The following MYOM1 variants were observed in gnomAD, a reference collection of about 807,000 sequenced individuals.
MYOM1 encodes the protein myomesin-1.
MYOM1 carries 164 observed loss-of-function variants against 205.3 expected under a neutral mutation model. The observed-to-expected ratio is 0.80, with a 90% CI of 0.70 to 0.91. MYOM1 has a LOEUF of 0.91. Among genes scored for constraint, MYOM1 ranks in the 40% least tolerant of loss-of-function variants. MYOM1 has a pLI of 0.00. For synonymous variants in MYOM1, 772 were observed against 789.4 expected, an observed-to-expected ratio of 0.98 and a Z score of 0.37; for missense variants, 2,011 against 2,127.3, an observed-to-expected ratio of 0.95 and a Z score of 1.08.
At chr18:3,083,427 C>CTT (rs35959808) in intron 33 of MYOM1, among the ~76,000 whole-genome samples, 11,147 of 98,440 alleles carry the variant, frequency 0.11, 1,417 homozygotes, top group Non-Finnish European at 0.13. Flanking sequence ...TTTTCTTTTT[C>CTT]TTTTTTTTTT....
intron 11 of MYOM1, among the ~76,000 whole-genome samples, chr18:3,153,591 A>T (rs975736853): frequency 6.6e-6 from 1 of 152,234 alleles, no homozygotes; most frequent in Non-Finnish European, 1.5e-5. Flanking sequence ...CACAAAAAAG[A>T]ATATATCTAA....
intron 10 of MYOM1, among the ~76,000 whole-genome samples, chr18:3,163,009 T>TGACTG (rs371444062): frequency 0.19 from 28,205 of 145,388 alleles, 2,910 homozygotes; most frequent in East Asian, 0.35. Flanking sequence ...CCAGCCTGGG[T>TGACTG]GACTGAGACT....
intron 25 of MYOM1, among the ~76,000 whole-genome samples, chr18:3,096,038 T>C (rs9945324): frequency 0.9 from 137,607 of 152,236 alleles, 62,301 homozygotes; most frequent in Middle Eastern, 0.96. Context: ...CTCCTGGAAG[T>C]CTCCAGCTCC....
intron 9 of MYOM1, among the ~76,000 whole-genome samples, chr18:3,164,960 C>A (rs923162449): frequency 6.6e-6 from 1 of 151,938 alleles, no homozygotes; most frequent in Non-Finnish European, 1.5e-5. Context: ...TCAATATAAT[C>A]AAAAGCAACA....
chr18:3,114,718 T>G (rs2079580629), intron 21 of MYOM1, among the ~76,000 whole-genome samples: 1 of 152,028 alleles, frequency 6.6e-6, no homozygotes, highest in African/African-American at 2.4e-5. Context: ...GTTTGAATTT[T>G]TCATTTAAAT....
At chr18:3,175,799 T>A (rs1226173583) in intron 6 of MYOM1, among the ~76,000 whole-genome samples, 2 of 152,240 alleles carry the variant, frequency 1.3e-5, no homozygotes, top group Non-Finnish European at 2.9e-5. Context: ...GCAAATTGGT[T>A]TTTTTCTCAT....
intron 23 of MYOM1, among the ~76,000 whole-genome samples, chr18:3,101,793 G>C (rs2079379699): frequency 1.3e-5 from 2 of 151,966 alleles, no homozygotes; most frequent in African/African-American, 2.4e-5. Flanking sequence ...GCATAAATGA[G>C]ATAATAAATA....
At position 3,128,348 on chromosome 18, in the gene MYOM1, GGAT is replaced by G. The variant is rs2079824938; in HGVS notation, c.2794+881_2794+883del. ...TGGGGTGGGGTTAGAAAAAAGAACTGGATGAGAGGCATTTAAAAATTTATCAGC... is the reference window on the plus strand; with the variant it reads ...TGGGGTGGGGTTAGAAAAAAGAACTGGAGAGGCATTTAAAAATTTATCAGC... On this transcript the variant is annotated intron_variant, in intron 18 of 37. Transcript: ENST00000356443. 2.6e-5 allele frequency among the ~76,000 whole-genome samples: 4 copies of G among 152,260 alleles called. No homozygotes were observed. The South Asian group carries it at 8.3e-4, about 32-fold the overall frequency.
intron 1 of MYOM1, among the ~76,000 whole-genome samples, chr18:3,218,297 A>T (rs10084064): frequency 0.093 from 14,098 of 152,254 alleles, 696 homozygotes; most frequent in African/African-American, 0.12. Flanking sequence ...TGTCATTTTT[A>T]AAAAAATTCA....
chr18:3,239,352 C>A, the MYOM1 span, among the ~76,000 whole-genome samples: 1 of 152,046 alleles, frequency 6.6e-6, no homozygotes, highest in African/African-American at 2.4e-5. Context: ...CTCGTGAGAG[C>A]CATTATCTTC....
chr18:3,109,462 G>C (rs1325341039), intron 22 of MYOM1, among the ~76,000 whole-genome samples: 1 of 152,198 alleles, frequency 6.6e-6, no homozygotes, highest in Non-Finnish European at 1.5e-5. Context: ...TGCTATCAAA[G>C]TAAAGTGGTC....
the MYOM1 span, among the ~76,000 whole-genome samples, chr18:3,236,153 A>G: frequency 6.6e-6 from 1 of 151,004 alleles, no homozygotes; most frequent in Non-Finnish European, 1.5e-5. Context: ...ACGTAAGTAG[A>G]GGTGGTAGGA....
At position 3,149,155 on chromosome 18, in the gene MYOM1, C is replaced by T. The variant is rs36098676; in HGVS notation, c.1890G>A (p.Glu630=). The T allele has an allele frequency of 2.0e-3, 3,294 of 1,613,614 alleles. 51 individuals are homozygous for T. The highest frequency in any genetic ancestry group is 0.018 in the South Asian group (1,602 of 90,960). The part of the protein sequence containing the change: ...PWTGQIIVTE[E]EPSEGIVPGP... ...AACCAGACTTCTTACCTGAAGGTTC[C>T]TCTTCAGTAACAATGATCTGTCCAG... Residue 630 remains glutamate, a synonymous_variant, in exon 13 of 38, where the codon GAG becomes GAA. Transcript: ENST00000356443.
chr18:3,070,780 G>A (rs1288671898), intron 37 of MYOM1, among the ~76,000 whole-genome samples: 1 of 150,534 alleles, frequency 6.6e-6, no homozygotes, highest in Non-Finnish European at 1.5e-5. Flanking sequence ...GTGTGCACGT[G>A]TGTGTGTTTG....
chr18:3,204,571 A>C (rs1453124204), intron 2 of MYOM1, among the ~76,000 whole-genome samples: 1 of 152,024 alleles, frequency 6.6e-6, no homozygotes, highest in Non-Finnish European at 1.5e-5. Context: ...TGAGAAGTGA[A>C]AGAACAACTA....
At chr18:3,081,278 G>A (rs2079083456) in intron 33 of MYOM1, among the ~76,000 whole-genome samples, 1 of 152,142 alleles carries the variant, frequency 6.6e-6, no homozygotes, top group Non-Finnish European at 1.5e-5. Context: ...GGTACTATTG[G>A]TCCTATTTTA....
intron 37 of MYOM1, among the ~76,000 whole-genome samples, chr18:3,068,355 G>A (rs2078922039): frequency 6.6e-6 from 1 of 151,884 alleles, no homozygotes; most frequent in African/African-American, 2.4e-5. Flanking sequence ...CAAAACTATA[G>A]TAGAATGTCA....
intron 22 of MYOM1, among the ~76,000 whole-genome samples, chr18:3,104,079 G>C (rs1353901420): frequency 6.6e-6 from 1 of 152,204 alleles, no homozygotes; most frequent in African/African-American, 2.4e-5. Flanking sequence ...AGGGCTATAT[G>C]TATTCCATTG....
chr18:3,233,094 C>G, the MYOM1 span, among the ~76,000 whole-genome samples: 1 of 152,166 alleles, frequency 6.6e-6, no homozygotes, highest in African/African-American at 2.4e-5. Flanking sequence ...ATTGTTCTCC[C>G]CTGCCTTGGA....
Sources: allele counts gnomAD v4.1 joint callset (sites outside exome capture counted in the v4.1 genomes callset), GRCh38; gene constraint gnomAD v4.1.1; transcripts MANE v1.5; gene names NCBI Gene and HGNC (gene_info 2026-07-23, HGNC 2026-07-21).